The following RASSF3 variants were observed in gnomAD, a reference collection of about 807,000 sequenced individuals.
The protein encoded by RASSF3 is Ras association domain family member 3.
A neutral mutation model predicts 19.9 loss-of-function variants in RASSF3; 19 were observed. The observed-to-expected ratio is 0.96, with a 90% CI of 0.67 to 1.40. The LOEUF is 1.40. RASSF3 is among the 40% of genes most tolerant of loss of function. RASSF3 has a pLI of 0.00. For missense variants in RASSF3, 306 were observed against 289.8 expected (o/e 1.06, Z -0.41); for synonymous variants, 110 against 104.2 (o/e 1.06, Z -0.34).
downstream of RASSF3, among the ~76,000 whole-genome samples, chr12:64,542,974 G>A (rs1035683306): frequency 6.6e-6 from 1 of 151,992 alleles, no homozygotes; most frequent in Admixed American, 6.5e-5. Flanking sequence ...CAGCTAGATA[G>A]AGTTCCGGGT....
At chr12:64,628,753 T>C (rs998337509) in intron 1 of RASSF3, among the ~76,000 whole-genome samples, 1 of 152,154 alleles carries the variant, frequency 6.6e-6, no homozygotes, top group Non-Finnish European at 1.5e-5. Context: ...TGCCTTGGCC[T>C]CCCAAAGTGC....
intron 1 of RASSF3, among the ~76,000 whole-genome samples, chr12:64,512,712 G>A (rs1169367897): frequency 1.3e-5 from 2 of 152,170 alleles, no homozygotes; most frequent in Admixed American, 6.5e-5. Flanking sequence ...ATGGAGAGGG[G>A]TCTCCTACAT....
intron 2 of RASSF3, among the ~76,000 whole-genome samples, chr12:64,577,639 C>T (rs1200187400): frequency 2.0e-5 from 3 of 151,938 alleles, no homozygotes; most frequent in African/African-American, 7.2e-5. Context: ...GGCTGAGGCA[C>T]AAGAATCTCT....
chr12:64,631,581 ATGTATGT>A (rs1871169957), intron 1 of RASSF3, among the ~76,000 whole-genome samples: 1 of 144,678 alleles, frequency 6.9e-6, no homozygotes, highest in Admixed American at 6.9e-5. Context: ...GTATGTATGT[ATGTATGT>A]TGAGACATAG....
chr12:64,598,241 C>T (rs1255325419), intron 2 of RASSF3, among the ~76,000 whole-genome samples: 2 of 152,152 alleles, frequency 1.3e-5, no homozygotes, highest in East Asian at 3.8e-4. Context: ...TTATCACATT[C>T]TTCTGACTTT....
intron 1 of RASSF3, among the ~76,000 whole-genome samples, chr12:64,538,327 T>C (rs1400441656): frequency 6.6e-6 from 1 of 152,182 alleles, no homozygotes; most frequent in African/African-American, 2.4e-5. Context: ...ACTAGTCATA[T>C]TGGATTAGGG....
chr12:64,575,978 C>A (rs551078522), intron 2 of RASSF3, among the ~76,000 whole-genome samples: 1 of 151,856 alleles, frequency 6.6e-6, no homozygotes, highest in Non-Finnish European at 1.5e-5. Context: ...CAACCTCCCC[C>A]TCCCAGGTTC....
At chr12:64,579,516 AT>A (rs1049073667) in intron 2 of RASSF3, among the ~76,000 whole-genome samples, 14 of 151,144 alleles carry the variant, frequency 9.3e-5, no homozygotes, top group African/African-American at 2.4e-4. Flanking sequence ...ACGCCTGGCT[AT>A]TTTTTTTGTA....
At chr12:64,597,329 C>T (rs1043643672) in intron 2 of RASSF3, among the ~76,000 whole-genome samples, 4 of 152,038 alleles carry the variant, frequency 2.6e-5, no homozygotes, top group African/African-American at 9.7e-5. Flanking sequence ...GACAGAGTTT[C>T]ACCATGTTGG....
intron 1 of RASSF3, among the ~76,000 whole-genome samples, chr12:64,637,018 A>G (rs541318289): frequency 4.2e-4 from 64 of 152,280 alleles, no homozygotes; most frequent in Non-Finnish European, 7.1e-4. Context: ...TCCTCCCTAC[A>G]TATATTCCCA....
At chr12:64,654,258 G>A (rs535851953) in intron 1 of RASSF3, 32 of 152,148 alleles carry the variant, frequency 2.1e-4, no homozygotes, top group African/African-American at 6.7e-4. Flanking sequence ...AGGTTCAAGA[G>A]ATTCTTCTGC....
Position 64,659,806 on chromosome 12 carries a change from G to A in RASSF3, c.112-24981G>A, listed in dbSNP as rs148889595. On this transcript the variant is annotated intron_variant, in intron 1 of 4. Transcript: ENST00000542104. ...CTACTAATAATACAAAAATTAGCTG[G>A]ATGTGGTGGTGCATGCCTGTAATCC... is the stretch of plus-strand genomic sequence containing the variant. Among the ~76,000 whole-genome samples the A allele has an allele frequency of 5.0e-3, 763 of 152,182 alleles. 10 individuals are homozygous for A. The highest frequency in any genetic ancestry group is 0.017 in the African/African-American group (712 of 41,532).
chr12:64,528,893 C>G (rs1333257337), upstream of RASSF3, among the ~76,000 whole-genome samples: 1 of 152,226 alleles, frequency 6.6e-6, no homozygotes, highest in Non-Finnish European at 1.5e-5. Flanking sequence ...TCAGATGGGC[C>G]TGGGTTCTAA....
chr12:64,689,856 T>C (rs1716495), intron 3 of RASSF3, among the ~76,000 whole-genome samples: 101,578 of 143,294 alleles, frequency 0.71, 36,935 homozygotes, highest in South Asian at 0.83. Flanking sequence ...GGCGCAATCT[T>C]GGCTCACTGC....
upstream of RASSF3, among the ~76,000 whole-genome samples, chr12:64,607,514 C>T (rs1453091908): frequency 1.3e-5 from 2 of 151,916 alleles, no homozygotes; most frequent in East Asian, 1.9e-4. Flanking sequence ...GGACAACAGG[C>T]ATGTGCCATC....
chr12:64,667,416 T>C (rs1277367044), intron 1 of RASSF3, among the ~76,000 whole-genome samples: 2 of 152,114 alleles, frequency 1.3e-5, no homozygotes, highest in Admixed American at 1.3e-4. Flanking sequence ...AGCCTCTGCC[T>C]CCCAGGTTCA....
chr12:64,642,546 C>A (rs1173356496), intron 1 of RASSF3, among the ~76,000 whole-genome samples: 1 of 94,354 alleles, frequency 1.1e-5, no homozygotes, highest in African/African-American at 4.2e-5. Context: ...GGCGACAGAA[C>A]GAGACTCCAT....
At chr12:64,567,041 C>T (rs1036128138) in intron 2 of RASSF3, among the ~76,000 whole-genome samples, 2 of 152,152 alleles carry the variant, frequency 1.3e-5, no homozygotes, top group African/African-American at 2.4e-5. Context: ...TCTCTTGCTA[C>T]TGGTGGAGGA....
intron 2 of RASSF3, among the ~76,000 whole-genome samples, chr12:64,590,260 T>C (rs987020185): frequency 1.3e-5 from 2 of 151,654 alleles, no homozygotes; most frequent in African/African-American, 4.8e-5. Context: ...GTTCAAGACT[T>C]AGGCTTGCCC....
Sources: gnomAD v4.1 joint callset for allele counts (sites outside exome capture counted in the v4.1 genomes callset) on GRCh38, gnomAD v4.1.1 for gene constraint, MANE v1.5 for transcripts, NCBI Gene and HGNC (gene_info 2026-07-23, HGNC 2026-07-21) for gene names.